AHNAK: variants seen among roughly 807,000 people sequenced by gnomAD.
AHNAK encodes AHNAK nucleoprotein.
AHNAK carries 23 observed loss-of-function variants against 37.8 expected under a neutral mutation model. That is an observed-to-expected ratio of 0.61 (90% CI 0.44 to 0.86). AHNAK has a LOEUF of 0.86. Among genes scored for constraint, AHNAK ranks in the 40% least tolerant of loss-of-function variants. AHNAK has a pLI of 0.00. For synonymous variants in AHNAK, 2,481 were observed against 2,636.3 expected (o/e 0.94, Z 1.80); for missense variants, 7,411 against 7,319.4 (o/e 1.01, Z -0.46).
intron 5 of AHNAK, among the ~76,000 whole-genome samples, chr11:62,466,250 T>C (rs774574352): frequency 6.6e-6 from 1 of 151,556 alleles, no homozygotes. Flanking sequence ...AACCCGGGAG[T>C]TGGAGGTTGC....
In AHNAK at chr11:62,532,793, C is replaced by G. The variant is rs371899138; in HGVS notation, c.1624G>C (p.Asp542His). 135 of 1,613,964 alleles carry G rather than the reference C, an allele frequency of 8.4e-5. No individual in the cohort carries two copies. Among genetic ancestry groups the G allele is most frequent in the Non-Finnish European group, 1.1e-4 (131 of 1,180,000 alleles). The change falls in exon 5 of 5, where the codon GAC (aspartate) becomes CAC (histidine). Residue 542 changes from aspartate to histidine, a missense_variant. Transcript: ENST00000378024. ...PQVALKGSRVDIETPNLEGTL... is the reference protein window; with the variant it reads ...PQVALKGSRVHIETPNLEGTL... ...CCCTCTAGGTTTGGTGTCTCTATGT[C>G]CACTCTGGAGCCTTTAAGTGCCACT...
rs753753336 is a variant in AHNAK at position 62,520,251 on chromosome 11, G to A, written c.14166C>T (p.Ser4722=). The change falls in exon 5 of 5, where the codon TCC becomes TCT. Residue 4722 remains serine, a synonymous_variant. Transcript: ENST00000378024. Reference sequence around the variant, plus strand: ...TCAGGTTTAAGTCAATATCAGGCATGGAGATCTTGGGGGCTTTGATGCTCA... The same window carrying A: ...TCAGGTTTAAGTCAATATCAGGCATAGAGATCTTGGGGGCTTTGATGCTCA... ...PEMSIKAPKI[S]MPDIDLNLKG... 1.2e-6 allele frequency: 2 copies of A among 1,612,156 alleles called. No homozygotes were observed. The highest frequency in any genetic ancestry group is 1.7e-6 in the Non-Finnish European group (2 of 1,179,584).
chr11:62,532,302 G>C lies in AHNAK; in HGVS notation c.2115C>G (p.His705Gln). Residue 705 changes from histidine to glutamine, a missense_variant, in exon 5 of 5, where the codon CAC (histidine) becomes CAG (glutamine). His to Gln is a conservative substitution (Grantham distance 24). Coordinates refer to ENST00000378024, the MANE Select transcript of AHNAK (RefSeq NM_001620.3). Reference sequence around the variant, plus strand: ...CTCCCTTCACCTTTGTACCTTTCACGTGCAAATCTACATCAGGCATGGAGA... The same window carrying C: ...CTCCCTTCACCTTTGTACCTTTCACCTGCAAATCTACATCAGGCATGGAGA... Reference protein sequence around the residue: ...PKISMPDVDLHVKGTKVKGEY... With the variant: ...PKISMPDVDLQVKGTKVKGEY... The C allele has an allele frequency of 6.2e-7, 1 of 1,612,504 alleles. No homozygotes were observed.
chr11:62,544,232 G>A (rs1354038983), intron 1 of AHNAK, among the ~76,000 whole-genome samples: 4 of 152,140 alleles, frequency 2.6e-5, no homozygotes, highest in Non-Finnish European at 4.4e-5. Context: ...TCCGTACCCT[G>A]GGCTGACGCT....
Position 62,530,285 on chromosome 11 carries a change from A to C in AHNAK, c.4132T>G (p.Trp1378Gly). 1 of 1,612,620 alleles carries C rather than the reference A, an allele frequency of 6.2e-7. No homozygotes were observed. The highest frequency in any genetic ancestry group is 8.5e-7 in the Non-Finnish European group (1 of 1,179,712). The change falls in exon 5 of 5, where the codon TGG becomes GGG. Residue 1378 changes from tryptophan to glycine, a missense_variant. By Grantham distance (184) the Trp-to-Gly change is radical. Transcript: ENST00000378024. Reference protein sequence around the residue: ...APDVDVHGPDWHLKMPKVKMP... With the variant: ...APDVDVHGPDGHLKMPKVKMP... ...TTCACCTTGGGCATCTTCAGGTGCC[A>C]ATCTGGGCCATGAACATCCACATCT...
In AHNAK at chr11:62,528,532, T is replaced by C; in HGVS notation, c.5885A>G (p.Asp1962Gly). ...TGPSVGVEVP[D>G]VELECPDAKL... Reference sequence around the variant, plus strand: ...TGCATCAGGACACTCCAGCTCAACATCAGGCACCTCCACACCCACACTGGG... The same window carrying C: ...TGCATCAGGACACTCCAGCTCAACACCAGGCACCTCCACACCCACACTGGG... Residue 1962 changes from aspartate to glycine, a missense_variant, in exon 5 of 5, where the codon GAT becomes GGT. Transcript: ENST00000378024. 6.2e-7 allele frequency: 1 copy of C among 1,612,028 alleles called. No homozygotes were observed. The highest frequency in any genetic ancestry group is 8.5e-7 in the Non-Finnish European group (1 of 1,179,696).
In AHNAK at chr11:62,532,275, C is replaced by A; in HGVS notation, c.2142G>T (p.Glu714Asp). ...LHVKGTKVKG[E>D]YDVTVPKLEG... ...CCAGCTTTGGTACAGTTACATCATA[C>A]TCTCCCTTCACCTTTGTACCTTTCA... is the stretch of plus-strand genomic sequence containing the variant. Residue 714 changes from glutamate to aspartate, a missense_variant, in exon 5 of 5, where the codon GAG (glutamate) becomes GAT (aspartate). Glu to Asp is a conservative substitution (Grantham distance 45). Coordinates refer to ENST00000378024, the MANE Select transcript of AHNAK (RefSeq NM_001620.3). 1 of 1,613,536 alleles carries A rather than the reference C, an allele frequency of 6.2e-7. No homozygotes were observed. The highest frequency in any genetic ancestry group is 8.5e-7 in the Non-Finnish European group (1 of 1,179,900).
At chr11:62,498,446 T>C (rs540123373) in intron 4 of AHNAK, among the ~76,000 whole-genome samples, 57 of 151,700 alleles carry the variant, frequency 3.8e-4, no homozygotes, top group African/African-American at 1.3e-3. Flanking sequence ...ATAATTACAC[T>C]ATATGGTGTA....
chr11:62,447,941 G>A (rs1175448168), intron 5 of AHNAK, among the ~76,000 whole-genome samples: 1 of 152,126 alleles, frequency 6.6e-6, no homozygotes, highest in Admixed American at 6.6e-5. Flanking sequence ...TGAATGAAAT[G>A]ACTGGCTAAA....
intron 4 of AHNAK, among the ~76,000 whole-genome samples, chr11:62,509,644 C>T (rs1232339569): frequency 2.6e-5 from 4 of 152,000 alleles, no homozygotes; most frequent in African/African-American, 4.8e-5. Flanking sequence ...AAGACATTGT[C>T]GCCGGGCATG....
rs187661480 is a variant in AHNAK at position 62,521,194 on chromosome 11, G to A, written c.13223C>T (p.Pro4408Leu). 1.2e-6 allele frequency: 2 copies of A among 1,613,938 alleles called. No individual in the cohort carries two copies. Among genetic ancestry groups the A allele is most frequent in the East Asian group, 2.2e-5 (1 of 44,870 alleles). ...GCCCTTGAGATCACCTTCCACTTTGGGCAGAGAGACATCCACATCACCTTT... is the reference window on the plus strand; with the variant it reads ...GCCCTTGAGATCACCTTCCACTTTGAGCAGAGAGACATCCACATCACCTTT... ...KVKGDVDVSL[P>L]KVEGDLKGPE... The change falls in exon 5 of 5, where the codon CCC becomes CTC. Residue 4408 changes from proline to leucine, a missense_variant. Pro to Leu is a moderately conservative substitution (Grantham distance 98). Coordinates refer to ENST00000378024, the MANE Select transcript of AHNAK (RefSeq NM_001620.3).
At position 62,518,259 on chromosome 11, in the gene AHNAK, G is replaced by A. The variant is rs138648206; in HGVS notation, c.16158C>T (p.Ser5386=). 26 of 1,614,150 alleles carry A rather than the reference G, an allele frequency of 1.6e-5. No individual in the cohort carries two copies. In the South Asian group the frequency reaches 1.6e-4, roughly 10 times the overall value. Reference sequence around the variant, plus strand: ...CCAAGCTTAGATCAGGAGCTCCTACGGATACTTTAGGGCATTTGATGTCAC... The same window carrying A: ...CCAAGCTTAGATCAGGAGCTCCTACAGATACTTTAGGGCATTTGATGTCAC... ...VSGDIKCPKV[S]VGAPDLSLEA... is the part of the protein sequence containing the mutation. Residue 5386 remains serine (S), a synonymous_variant, in exon 5 of 5, where the codon TCC becomes TCT. Coordinates refer to ENST00000378024, the MANE Select transcript of AHNAK (RefSeq NM_001620.3).
rs777631966 is a variant in AHNAK at position 62,532,502 on chromosome 11, G to A, written c.1915C>T (p.Pro639Ser). The A allele has an allele frequency of 1.2e-6, 2 of 1,613,932 alleles. No homozygotes were observed. Reference protein sequence around the residue: ...PKMKMPTFSTPGAKGEGPDVH... With the variant: ...PKMKMPTFSTSGAKGEGPDVH... ...TCTGGACCTTCCCCTTTGGCTCCTG[G>A]AGTGCTGAACGTGGGCATTTTCATC... The change falls in exon 5 of 5, where the codon CCA (proline) becomes TCA (serine). Residue 639 changes from proline to serine, a missense_variant. Coordinates refer to ENST00000378024, the MANE Select transcript of AHNAK (RefSeq NM_001620.3).
intron 4 of AHNAK, among the ~76,000 whole-genome samples, chr11:62,504,331 T>C (rs1296314321): frequency 6.6e-6 from 1 of 151,842 alleles, no homozygotes; most frequent in African/African-American, 2.4e-5. Flanking sequence ...CCCCAGCAAA[T>C]TTACCCAGAG....
intron 4 of AHNAK, among the ~76,000 whole-genome samples, chr11:62,495,981 G>A (rs58479396): frequency 0.027 from 3,987 of 147,550 alleles, 177 homozygotes; most frequent in African/African-American, 0.093. Context: ...CCCAGGAGGC[G>A]GAGGCTGCAG....
intron 5 of AHNAK, among the ~76,000 whole-genome samples, chr11:62,488,059 T>C (rs1939426793): frequency 6.6e-6 from 1 of 152,204 alleles, no homozygotes; most frequent in Non-Finnish European, 1.5e-5. Context: ...CCACGGAAGT[T>C]CCTCTAAGCT....
At chr11:62,470,234 T>A (rs981702231) in intron 5 of AHNAK, among the ~76,000 whole-genome samples, 55 of 152,084 alleles carry the variant, frequency 3.6e-4, no homozygotes, top group South Asian at 2.1e-4. Context: ...GATCACAAGG[T>A]CAGGAGTTTG....
At position 62,520,325 on chromosome 11, in the gene AHNAK, C is replaced by T. The variant is rs574303217; in HGVS notation, c.14092G>A (p.Glu4698Lys). ...VDVDVPDVNI[E>K]GPDAKLKGPK... The stretch of plus-strand genomic sequence containing the variant: ...CCCTTTAGTTTCGCATCTGGACCTT[C>T]GATATTCACATCAGGAACATCAACG... The change falls in exon 5 of 5, where the codon GAA becomes AAA. Residue 4698 changes from glutamate to lysine, a missense_variant. By Grantham distance (56) the Glu-to-Lys change is moderately conservative (BLOSUM62 1). Coordinates refer to ENST00000378024, the MANE Select transcript of AHNAK (RefSeq NM_001620.3). 8.6e-5 allele frequency: 139 copies of T among 1,612,754 alleles called. 1 individual carries two copies. The highest frequency in any genetic ancestry group is 4.0e-4 in the South Asian group (36 of 91,000).
chr11:62,521,642 T>G lies in AHNAK; in HGVS notation c.12775A>C (p.Met4259Leu), dbSNP rs757553017. The G allele has an allele frequency of 1.2e-6, 2 of 1,613,822 alleles. No individual in the cohort carries two copies. The highest frequency in any genetic ancestry group is 4.5e-5 in the East Asian group (2 of 44,842). The change falls in exon 5 of 5, where the codon ATG becomes CTG. Residue 4259 changes from methionine to leucine, a missense_variant. Coordinates refer to ENST00000378024, the MANE Select transcript of AHNAK (RefSeq NM_001620.3). ...EMNIKAPKIS[M>L]PDFDLHLKGP... ...TTCAGATGCAAATCAAAGTCAGGCA[T>G]GGAGATCTTGGGGGCTTTGATGTTC... is the stretch of plus-strand genomic sequence containing the variant.
Sources: gnomAD v4.1 joint callset for allele counts (sites outside exome capture counted in the v4.1 genomes callset) on GRCh38, gnomAD v4.1.1 for gene constraint, MANE v1.5 for transcripts, NCBI Gene and HGNC (gene_info 2026-07-23, HGNC 2026-07-21) for gene names.